ADAM22: variants seen among roughly 807,000 people sequenced by gnomAD.
The protein encoded by ADAM22 is disintegrin and metalloproteinase domain-containing protein 22.
ADAM22 carries 65 observed loss-of-function variants against 144.6 expected under a neutral mutation model. The observed-to-expected ratio is 0.45, with a 90% CI of 0.37 to 0.55. The LOEUF is 0.55. ADAM22 is among the 20% of genes least tolerant of loss of function. The pLI, the probability that ADAM22 is intolerant of heterozygous loss-of-function variation, is 0.00. For synonymous variants in ADAM22, 391 were observed against 412.6 expected (o/e 0.95, Z 0.63); for missense variants, 974 against 1,184.9 (o/e 0.82, Z 2.61).
intron 3 of ADAM22, among the ~76,000 whole-genome samples, chr7:88,062,136 C>A (rs941511623): frequency 6.6e-6 from 1 of 152,144 alleles, no homozygotes; most frequent in African/African-American, 2.4e-5. Context: ...AGCCACTGAC[C>A]TGAGCCCTTC....
chr7:88,183,829 T>C (rs1327251348), intron 29 of ADAM22, among the ~76,000 whole-genome samples: 5 of 135,872 alleles, frequency 3.7e-5, no homozygotes, highest in South Asian at 2.3e-4. Flanking sequence ...CACATGTATA[T>C]ATACATATAT....
At chr7:87,995,198 G>A (rs146758702) in intron 3 of ADAM22, among the ~76,000 whole-genome samples, 294 of 152,292 alleles carry the variant, frequency 1.9e-3, no homozygotes, top group African/African-American at 7.0e-3. Context: ...CTGCAAAAAT[G>A]ATATTGGGAA....
chr7:88,063,799 A>T (rs564871199), intron 3 of ADAM22, among the ~76,000 whole-genome samples: 1 of 152,354 alleles, frequency 6.6e-6, no homozygotes, highest in East Asian at 1.9e-4. Flanking sequence ...CTAGGAGACA[A>T]TGGAGCAATG....
intron 14 of ADAM22, among the ~76,000 whole-genome samples, chr7:88,136,936 A>G (rs1246700633): frequency 6.6e-6 from 1 of 152,128 alleles, no homozygotes; most frequent in Admixed American, 6.5e-5. Context: ...AGAATAAAAC[A>G]GTGGATACTT....
At chr7:88,082,119 G>T (rs1047010613) in intron 4 of ADAM22, among the ~76,000 whole-genome samples, 3 of 152,094 alleles carry the variant, frequency 2.0e-5, no homozygotes, top group Admixed American at 6.6e-5. Flanking sequence ...AAACAGTATG[G>T]TACTGGTACC....
chr7:88,083,745 G>C (rs1192985509), intron 4 of ADAM22, among the ~76,000 whole-genome samples: 1 of 151,906 alleles, frequency 6.6e-6, no homozygotes, highest in Non-Finnish European at 1.5e-5. Flanking sequence ...GGTAATTCTT[G>C]TAAGCGACCT....
chr7:87,970,991 A>G (rs891537328), intron 2 of ADAM22, among the ~76,000 whole-genome samples: 1 of 152,134 alleles, frequency 6.6e-6, no homozygotes, highest in East Asian at 1.9e-4. Flanking sequence ...GCTTGCCTCA[A>G]TCTCTAAAGC....
intron 4 of ADAM22, among the ~76,000 whole-genome samples, chr7:88,079,041 T>C (rs998735557): frequency 2.6e-5 from 4 of 152,036 alleles, no homozygotes; most frequent in African/African-American, 9.7e-5. Flanking sequence ...AGACACATAA[T>C]TGTCAGATTT....
chr7:88,156,467 CA>C (rs566209760), intron 22 of ADAM22, among the ~76,000 whole-genome samples: 58 of 152,154 alleles, frequency 3.8e-4, no homozygotes, highest in African/African-American at 1.4e-3. Flanking sequence ...GGATGTGTGG[CA>C]CATGACTTAT....
At position 88,128,606 on chromosome 7, in the gene ADAM22, G is replaced by A. The variant is rs1392077259; in HGVS notation, c.683G>A (p.Arg228His). The A allele has an allele frequency of 1.4e-5, 23 of 1,611,130 alleles. No individual in the cohort carries two copies. The highest frequency in any genetic ancestry group is 1.8e-5 in the Non-Finnish European group (21 of 1,177,694). ...PRPKRSKRQL[R>H]RYPRNVEEET... ...GTTTCCTTTCCTGTGTTACAGCTTC[G>A]TCGATATCCTCGTAATGTAGAAGAA... The change falls in exon 9 of 32, where the codon CGT (arginine) becomes CAT (histidine). Residue 228 changes from arginine (R) to histidine (H), a missense_variant. Arg to His is a conservative substitution (Grantham distance 29, BLOSUM62 0). Around this residue, in one of 2 missense-constraint regions of ADAM22, gnomAD observed 734 missense variants for 950.6 expected, o/e 0.77. Transcript: ENST00000413139.
intron 2 of ADAM22, among the ~76,000 whole-genome samples, chr7:87,971,949 G>C (rs1850549921): frequency 6.6e-6 from 1 of 152,188 alleles, no homozygotes; most frequent in Non-Finnish European, 1.5e-5. Flanking sequence ...CCAGCACTTT[G>C]GGAGGCCAAG....
At position 88,150,965 on chromosome 7, in the gene ADAM22, G is replaced by C; in HGVS notation, c.1567-16G>C. On this transcript the variant is annotated splice_polypyrimidine_tract_variant and intron_variant, in intron 18 of 31. Transcript: ENST00000413139. ...TTTGCACTGCATTTCATTCATAGTT[G>C]TTCTCTTTTTCCTAGTGTGCCCCTA... 6.2e-7 allele frequency: 1 copy of C among 1,608,086 alleles called. No homozygotes were observed.
intron 3 of ADAM22, among the ~76,000 whole-genome samples, chr7:88,067,391 C>T (rs1383848984): frequency 6.6e-6 from 1 of 151,384 alleles, no homozygotes; most frequent in East Asian, 1.9e-4. Flanking sequence ...TGCTAACCCT[C>T]CCTCCTCCCC....
At chr7:88,051,029 G>T (rs898244616) in intron 3 of ADAM22, among the ~76,000 whole-genome samples, 1 of 152,040 alleles carries the variant, frequency 6.6e-6, no homozygotes, top group African/African-American at 2.4e-5. Context: ...CTTGAATGGC[G>T]ATCATTAAAA....
chr7:88,107,513 T>A (rs1240449866), intron 4 of ADAM22, among the ~76,000 whole-genome samples: 1 of 152,116 alleles, frequency 6.6e-6, no homozygotes, highest in Non-Finnish European at 1.5e-5. Context: ...TGGTTGAATT[T>A]CTTATAACTA....
intron 3 of ADAM22, among the ~76,000 whole-genome samples, chr7:88,006,795 A>G (rs1793988390): frequency 6.6e-6 from 1 of 151,128 alleles, no homozygotes. Flanking sequence ...AGCCAATATC[A>G]TACTGAATGG....
At chr7:88,025,868 A>G (rs1171914512) in intron 3 of ADAM22, among the ~76,000 whole-genome samples, 1 of 151,654 alleles carries the variant, frequency 6.6e-6, no homozygotes, top group Non-Finnish European at 1.5e-5. Context: ...GTGGTTCCAC[A>G]TAAATTTTAG....
At chr7:88,082,108 A>G (rs1378790944) in intron 4 of ADAM22, among the ~76,000 whole-genome samples, 3 of 152,208 alleles carry the variant, frequency 2.0e-5, no homozygotes, top group Non-Finnish European at 4.4e-5. Context: ...TACAGTAACC[A>G]AAACAGTATG....
intron 2 of ADAM22, among the ~76,000 whole-genome samples, chr7:87,958,259 T>C (rs904608260): frequency 9.2e-5 from 14 of 152,248 alleles, no homozygotes; most frequent in Non-Finnish European, 1.6e-4. Context: ...TTTCCCTGTA[T>C]ATTGCCAAAT....
Sources: gnomAD v4.1 joint callset for allele counts (sites outside exome capture counted in the v4.1 genomes callset) on GRCh38, gnomAD v4.1.1 for gene constraint, gnomAD v4.1.1 regional missense constraint, MANE v1.5 for transcripts, NCBI Gene and HGNC (gene_info 2026-07-23, HGNC 2026-07-21) for gene names.